FSTL5: variants seen among roughly 807,000 people sequenced by gnomAD.
FSTL5 encodes the protein follistatin-related protein 5.
A neutral mutation model predicts 89.1 loss-of-function variants in FSTL5; 62 were observed. The ratio of observed to expected loss-of-function variants is 0.70; its 90% CI spans 0.57 to 0.86. The LOEUF (loss-of-function observed/expected upper bound fraction) is 0.86. Among genes scored for constraint, FSTL5 ranks in the 40% least tolerant of loss-of-function variants. The pLI, the probability that FSTL5 is intolerant of heterozygous loss-of-function variation, is 0.00. For synonymous variants in FSTL5, 383 were observed against 346.2 expected (o/e 1.11, Z -1.18); for missense variants, 1,057 against 1,001.6 (o/e 1.06, Z -0.75).
chr4:161,660,744 A>G (rs1231307157), intron 6 of FSTL5, among the ~76,000 whole-genome samples: 1 of 152,074 alleles, frequency 6.6e-6, no homozygotes, highest in Non-Finnish European at 1.5e-5. Context: ...CTGTTCCTGC[A>G]TTAATTCGCT....
intron 1 of FSTL5, among the ~76,000 whole-genome samples, chr4:162,128,115 C>A (rs7690460): frequency 0.098 from 14,748 of 151,142 alleles, 911 homozygotes; most frequent in African/African-American, 0.17. Context: ...TTATAGAGTC[C>A]AAAGACCTTT....
intron 4 of FSTL5, among the ~76,000 whole-genome samples, chr4:161,859,303 C>T (rs1400344466): frequency 6.6e-6 from 1 of 152,188 alleles, no homozygotes; most frequent in Non-Finnish European, 1.5e-5. Context: ...AAACCTTTCT[C>T]AGCACTTGAT....
At chr4:161,792,176 G>T (rs1423883369) in intron 4 of FSTL5, among the ~76,000 whole-genome samples, 7 of 152,102 alleles carry the variant, frequency 4.6e-5, no homozygotes, top group African/African-American at 1.7e-4. Flanking sequence ...CCGAGCCCAG[G>T]CACTATCATA....
intron 6 of FSTL5, among the ~76,000 whole-genome samples, chr4:161,693,225 C>T (rs527550530): frequency 7.9e-5 from 12 of 152,082 alleles, no homozygotes; most frequent in Non-Finnish European, 1.3e-4. Context: ...TAAAGATTTC[C>T]GTGCGTACAT....
At chr4:161,966,928 C>A (rs1427343211) in intron 3 of FSTL5, among the ~76,000 whole-genome samples, 2 of 151,922 alleles carry the variant, frequency 1.3e-5, no homozygotes, top group African/African-American at 4.8e-5. Flanking sequence ...GAATTAATGA[C>A]CAACTTCGCT....
At chr4:161,911,700 G>T (rs1560912091) in intron 4 of FSTL5, among the ~76,000 whole-genome samples, 1 of 152,096 alleles carries the variant, frequency 6.6e-6, no homozygotes, top group African/African-American at 2.4e-5. Flanking sequence ...CTAGCTAGAT[G>T]ATATGATGTC....
At chr4:161,636,839 C>T (rs1735735239) in intron 7 of FSTL5, among the ~76,000 whole-genome samples, 1 of 119,292 alleles carries the variant, frequency 8.4e-6, no homozygotes, top group Non-Finnish European at 1.7e-5. Flanking sequence ...ATATGTGCCA[C>T]ATTTTCTTAA....
intron 7 of FSTL5, among the ~76,000 whole-genome samples, chr4:161,595,100 A>C (rs982534333): frequency 1.3e-5 from 2 of 151,002 alleles, no homozygotes; most frequent in African/African-American, 4.9e-5. Context: ...ATTCTCCATT[A>C]ATCTTAGCCA....
At chr4:162,029,447 A>C (rs1020565534) in intron 3 of FSTL5, among the ~76,000 whole-genome samples, 2 of 152,152 alleles carry the variant, frequency 1.3e-5, no homozygotes, top group African/African-American at 4.8e-5. Context: ...CCAGTGTTTA[A>C]TGTCCTTGTA....
At chr4:161,652,510 G>A (rs944068907) in intron 7 of FSTL5, among the ~76,000 whole-genome samples, 7 of 152,012 alleles carry the variant, frequency 4.6e-5, no homozygotes, top group South Asian at 4.2e-4. Flanking sequence ...GTTGTTCTTA[G>A]GGCCAGTGAG....
rs1436858955 is a variant in FSTL5, at chr4:161,480,924, A to G, written c.1608+96T>C. ...TCTAGTTATCCAAGTAAGGAAACAC[A>G]TTATCAGTGACAATCAAGTTACCTG... On this transcript the variant is annotated intron_variant, in intron 13 of 15. Coordinates refer to ENST00000306100, the MANE Select transcript of FSTL5 (RefSeq NM_020116.5). 3.8e-6 allele frequency: 3 copies of G among 794,546 alleles called. No homozygotes were observed. The Admixed American group carries it at 9.2e-5, about 24-fold the overall frequency. The allele number at this position is 794,546 out of a possible 1,614,324, so 49.2% of individuals were successfully genotyped here.
At chr4:162,150,318 G>C (rs1163789168) in intron 1 of FSTL5, among the ~76,000 whole-genome samples, 1 of 152,102 alleles carries the variant, frequency 6.6e-6, no homozygotes, top group Non-Finnish European at 1.5e-5. Context: ...AAACATGTGT[G>C]CTTCCTGTCT....
intron 3 of FSTL5, among the ~76,000 whole-genome samples, chr4:161,938,832 T>G (rs1734501706): frequency 6.6e-6 from 1 of 152,008 alleles, no homozygotes; most frequent in Admixed American, 6.6e-5. Context: ...AACTTTTCTG[T>G]ATAGGGAACT....
At chr4:161,440,356 A>C (rs748465057) in intron 15 of FSTL5, among the ~76,000 whole-genome samples, 4 of 152,046 alleles carry the variant, frequency 2.6e-5, no homozygotes, top group Admixed American at 6.6e-5. Flanking sequence ...ATGGAAGAAG[A>C]AGCATTGTCC....
chr4:161,745,026 A>G (rs530185041), intron 6 of FSTL5, among the ~76,000 whole-genome samples: 150 of 149,426 alleles, frequency 1.0e-3, no homozygotes, highest in Middle Eastern at 3.4e-3. Flanking sequence ...TTTCCGGAGG[A>G]AAAAAAAAAG....
At chr4:162,063,949 C>G (rs1738803514) in intron 2 of FSTL5, among the ~76,000 whole-genome samples, 1 of 151,930 alleles carries the variant, frequency 6.6e-6, no homozygotes, top group Non-Finnish European at 1.5e-5. Flanking sequence ...CATCTTTTAT[C>G]TGGTATAGAT....
chr4:161,527,479 G>A (rs1245689511), intron 10 of FSTL5, among the ~76,000 whole-genome samples: 3 of 151,612 alleles, frequency 2.0e-5, no homozygotes, highest in Non-Finnish European at 4.4e-5. Context: ...CAAAAAGTGG[G>A]TGAAGGACAT....
rs539580568 is a variant in FSTL5 at position 161,631,608 on chromosome 4, T to C, written c.894+24720A>G. Among the ~76,000 whole-genome samples, 3 of 152,194 alleles carry C rather than the reference T, an allele frequency of 2.0e-5. No individual in the cohort carries two copies. The East Asian group carries it at 5.8e-4, about 29-fold the overall frequency. On this transcript the variant is annotated intron_variant, in intron 7 of 15. Coordinates refer to ENST00000306100, the MANE Select transcript of FSTL5 (RefSeq NM_020116.5). ...CTCCAGACTGGACGAAATAGTGAGATTCTGTCTCTAAATAAATTAATAAAT... is the reference window on the plus strand; with the variant it reads ...CTCCAGACTGGACGAAATAGTGAGACTCTGTCTCTAAATAAATTAATAAAT...
intron 5 of FSTL5, among the ~76,000 whole-genome samples, chr4:161,764,923 T>A (rs1323043042): frequency 6.6e-6 from 1 of 152,344 alleles, no homozygotes; most frequent in East Asian, 1.9e-4. Context: ...CTGAAACTAG[T>A]TACTAACATT....
Sources: gnomAD v4.1 joint callset for allele counts (sites outside exome capture counted in the v4.1 genomes callset) on GRCh38, gnomAD v4.1.1 for gene constraint, MANE v1.5 for transcripts, NCBI Gene and HGNC (gene_info 2026-07-23, HGNC 2026-07-21) for gene names.